CDKAL1: variants seen among roughly 807,000 people sequenced by gnomAD.
CDKAL1 encodes CDKAL1 threonylcarbamoyladenosine tRNA methylthiotransferase.
CDKAL1 carries 32 observed loss-of-function variants against 68.2 expected under a neutral mutation model. The observed-to-expected ratio is 0.47, with a 90% CI of 0.35 to 0.63. CDKAL1 has a LOEUF of 0.63. Among genes scored for constraint, CDKAL1 ranks in the 30% least tolerant of loss-of-function variants. The pLI is 0.00. For synonymous variants in CDKAL1, 234 were observed against 244.3 expected (o/e 0.96, Z 0.39); for missense variants, 606 against 696.7 (o/e 0.87, Z 1.47).
At chr6:21,025,135 T>C (rs1768887500) in intron 11 of CDKAL1, among the ~76,000 whole-genome samples, 1 of 152,242 alleles carries the variant, frequency 6.6e-6, no homozygotes, top group East Asian at 1.9e-4. Context: ...TCTTACGAAG[T>C]TGATGTGAAA....
intron 10 of CDKAL1, among the ~76,000 whole-genome samples, chr6:20,996,687 A>G (rs527771315): frequency 6.6e-6 from 1 of 152,372 alleles, no homozygotes; most frequent in East Asian, 1.9e-4. Context: ...TAAAAAGTCT[A>G]AAATATTGCA....
chr6:20,743,887 G>C (rs531055301), intron 6 of CDKAL1, among the ~76,000 whole-genome samples: 1 of 152,250 alleles, frequency 6.6e-6, no homozygotes, highest in African/African-American at 2.4e-5. Context: ...TGTATGTCTT[G>C]AATAAAAAGT....
chr6:21,223,952 A>C (rs531588277), intron 15 of CDKAL1, among the ~76,000 whole-genome samples: 2 of 152,288 alleles, frequency 1.3e-5, no homozygotes, highest in East Asian at 3.9e-4. Flanking sequence ...CCAGCCACAC[A>C]GTCTCCTAGA....
intron 4 of CDKAL1, among the ~76,000 whole-genome samples, chr6:20,602,742 G>C (rs1227970388): frequency 6.6e-6 from 1 of 152,130 alleles, no homozygotes; most frequent in Non-Finnish European, 1.5e-5. Flanking sequence ...GCCTCACTTG[G>C]TTGTTCTTTG....
intron 10 of CDKAL1, among the ~76,000 whole-genome samples, chr6:20,967,569 G>A (rs1383933851): frequency 6.6e-6 from 1 of 152,118 alleles, no homozygotes; most frequent in East Asian, 1.9e-4. Flanking sequence ...TATATGCAGT[G>A]TATGCTCAGT....
intron 4 of CDKAL1, among the ~76,000 whole-genome samples, chr6:20,643,688 G>A (rs1423433848): frequency 6.6e-6 from 1 of 152,208 alleles, no homozygotes; most frequent in East Asian, 1.9e-4. Flanking sequence ...GTGATTGTGG[G>A]TTGGCTCAGA....
intron 2 of CDKAL1, among the ~76,000 whole-genome samples, chr6:20,537,758 T>A (rs1257593266): frequency 6.6e-6 from 1 of 152,240 alleles, no homozygotes. Context: ...AAATTTGATT[T>A]CCTCTACCTT....
intron 8 of CDKAL1, among the ~76,000 whole-genome samples, chr6:20,832,752 TAC>T (rs1284460085): frequency 2.0e-5 from 3 of 152,160 alleles, no homozygotes; most frequent in Admixed American, 1.3e-4. Context: ...CTTTAATAGG[TAC>T]AGTTTTTATT....
intron 12 of CDKAL1, among the ~76,000 whole-genome samples, chr6:21,104,518 T>TA (rs144867495): frequency 0.26 from 38,532 of 146,634 alleles, 4,960 homozygotes; most frequent in South Asian, 0.37. Context: ...AAACTTTATT[T>TA]AAAAAAAAAA....
chr6:20,878,164 A>T (rs1760623324), intron 9 of CDKAL1, among the ~76,000 whole-genome samples: 1 of 152,284 alleles, frequency 6.6e-6, no homozygotes, highest in Middle Eastern at 3.4e-3. Context: ...TGTCGCCCCT[A>T]CTAGACTGTA....
chr6:20,615,011 T>C (rs1766824996), intron 4 of CDKAL1, among the ~76,000 whole-genome samples: 1 of 139,136 alleles, frequency 7.2e-6, no homozygotes, highest in South Asian at 2.5e-4. Context: ...TTCCCACCTA[T>C]GAGTGAGAAT....
intron 8 of CDKAL1, among the ~76,000 whole-genome samples, chr6:20,824,713 A>C (rs1777428485): frequency 6.6e-6 from 1 of 152,166 alleles, no homozygotes; most frequent in Non-Finnish European, 1.5e-5. Context: ...ACCATACTTA[A>C]CTGGTTAGAA....
intron 9 of CDKAL1, among the ~76,000 whole-genome samples, chr6:20,863,611 A>G (rs1426843897): frequency 6.6e-6 from 1 of 152,236 alleles, no homozygotes; most frequent in East Asian, 1.9e-4. Flanking sequence ...TTTTGAAGGA[A>G]TACCCAACTA....
At chr6:20,967,379 T>C (rs1402077104) in intron 10 of CDKAL1, among the ~76,000 whole-genome samples, 4 of 152,208 alleles carry the variant, frequency 2.6e-5, no homozygotes, top group African/African-American at 9.6e-5. Context: ...TCTTTTACTA[T>C]ATATATTTTA....
intron 5 of CDKAL1, among the ~76,000 whole-genome samples, chr6:20,731,197 G>A (rs116638498): frequency 4.3e-4 from 66 of 152,320 alleles, no homozygotes; most frequent in African/African-American, 1.5e-3. Flanking sequence ...TGAACTATTA[G>A]TCCTTGTGAG....
In CDKAL1 at chr6:20,945,528, C is replaced by T. The variant is rs548685016; in HGVS notation, c.743-9891C>T. On this transcript the variant is annotated intron_variant, in intron 9 of 15. Coordinates refer to ENST00000274695, the MANE Select transcript of CDKAL1 (RefSeq NM_017774.3). ...TATTTTTCTATTCATTTTCCTACCTCATAGAGGCCCTATATCACATATTCT... is the reference window on the plus strand; with the variant it reads ...TATTTTTCTATTCATTTTCCTACCTTATAGAGGCCCTATATCACATATTCT... Among the ~76,000 whole-genome samples the T allele has an allele frequency of 2.0e-5, 3 of 152,244 alleles. No individual in the cohort carries two copies. In the East Asian group the frequency reaches 5.8e-4, roughly 29 times the overall value.
chr6:20,603,444 C>G (rs1435133732), intron 4 of CDKAL1, among the ~76,000 whole-genome samples: 1 of 152,206 alleles, frequency 6.6e-6, no homozygotes, highest in Non-Finnish European at 1.5e-5. Context: ...GTGGCTCAGA[C>G]TCCTTTGATA....
intron 15 of CDKAL1, among the ~76,000 whole-genome samples, chr6:21,227,445 T>C (rs1779792722): frequency 6.6e-6 from 1 of 152,244 alleles, no homozygotes; most frequent in African/African-American, 2.4e-5. Flanking sequence ...AATATTATGT[T>C]TAAAAATAGT....
intron 7 of CDKAL1, 39 bp downstream of exon 7, chr6:20,758,682 T>G: frequency 1.3e-6 from 2 of 1,494,704 alleles, no homozygotes; most frequent in Non-Finnish European, 1.8e-6. Context: ...GTATATATTT[T>G]CTGAACTACA....
Sources: allele counts gnomAD v4.1 joint callset (sites outside exome capture counted in the v4.1 genomes callset), GRCh38; gene constraint gnomAD v4.1.1; transcripts MANE v1.5; gene names NCBI Gene and HGNC (gene_info 2026-07-23, HGNC 2026-07-21).